The following CDH20 variants were observed in gnomAD, a reference collection of about 807,000 sequenced individuals.
CDH20 encodes cadherin-20.
CDH20 carries 29 observed loss-of-function variants against 74.2 expected under a neutral mutation model. That is an observed-to-expected ratio of 0.39 (90% CI 0.29 to 0.53). The LOEUF (loss-of-function observed/expected upper bound fraction) is 0.53, where lower values mean the gene tolerates loss of function less well. CDH20 is among the 20% of genes least tolerant of loss of function. CDH20 has a pLI of 0.69. For missense variants in CDH20, 988 were observed against 1,048.3 expected, an observed-to-expected ratio of 0.94 and a Z score of 0.79; for synonymous variants, 469 against 405.4, an observed-to-expected ratio of 1.16 and a Z score of -1.88.
At chr18:61,405,155 C>T in intron 1 of CDH20, 1 of 571,116 alleles carries the variant, frequency 1.8e-6, no homozygotes, top group Non-Finnish European at 3.3e-6. Flanking sequence ...CAAGTTAGAG[C>T]CTAGAATTGA....
intron 5 of CDH20, among the ~76,000 whole-genome samples, chr18:61,503,614 T>A (rs1870292533): frequency 6.6e-6 from 1 of 152,154 alleles, no homozygotes; most frequent in Non-Finnish European, 1.5e-5. Context: ...ATCACTCCAG[T>A]AGGTACCAAG....
chr18:61,416,056 T>A (rs1489291353), intron 1 of CDH20, among the ~76,000 whole-genome samples: 1 of 148,802 alleles, frequency 6.7e-6, no homozygotes, highest in Non-Finnish European at 1.5e-5. Flanking sequence ...AAAAAAAAAA[T>A]ATTAAGATCA....
intron 1 of CDH20, among the ~76,000 whole-genome samples, chr18:61,343,232 T>C (rs576510273): frequency 2.0e-5 from 3 of 152,358 alleles, no homozygotes; most frequent in African/African-American, 7.2e-5. Flanking sequence ...TCTGGGCTTC[T>C]AGCTGGATTT....
At chr18:61,511,353 T>C (rs1373643498) in intron 6 of CDH20, among the ~76,000 whole-genome samples, 1 of 151,972 alleles carries the variant, frequency 6.6e-6, no homozygotes, top group Non-Finnish European at 1.5e-5. Flanking sequence ...GTTGTTGTTT[T>C]GTTTTGTTTT....
chr18:61,511,474 G>A lies in CDH20; in HGVS notation c.1017+3914G>A, dbSNP rs149933139. On this transcript the variant is annotated intron_variant, in intron 6 of 11. Coordinates refer to ENST00000262717, the MANE Select transcript of CDH20 (RefSeq NM_031891.4). ...GCTAGGATTACAGGCATGAGCCACC[G>A]CAACCAGCTTTACTGTTTCTTTAGT... is the stretch of plus-strand genomic sequence containing the variant. 3.7e-3 allele frequency among the ~76,000 whole-genome samples: 566 copies of A among 152,118 alleles called. 6 individuals carry two copies. Among genetic ancestry groups the A allele is most frequent in the African/African-American group, 0.013 (546 of 41,512 alleles).
intron 1 of CDH20, among the ~76,000 whole-genome samples, chr18:61,410,827 G>A (rs559775245): frequency 1.3e-5 from 2 of 152,316 alleles, no homozygotes; most frequent in South Asian, 2.1e-4. Context: ...ATCTTTGAAA[G>A]GAGATGGCCT....
At chr18:61,497,190 G>A (rs1911201141) in intron 2 of CDH20, among the ~76,000 whole-genome samples, 1 of 151,158 alleles carries the variant, frequency 6.6e-6, no homozygotes, top group Non-Finnish European at 1.5e-5. Flanking sequence ...AAAATAAGTA[G>A]AAAAAAGCCC....
chr18:61,423,362 AGT>A (rs1183525556), intron 1 of CDH20, among the ~76,000 whole-genome samples: 3 of 151,894 alleles, frequency 2.0e-5, no homozygotes, highest in Non-Finnish European at 2.9e-5. Flanking sequence ...AGCTCCTCTA[AGT>A]GTGTCTGAGG....
chr18:61,463,306 A>C (rs1208786185), intron 1 of CDH20, among the ~76,000 whole-genome samples: 4 of 152,156 alleles, frequency 2.6e-5, no homozygotes, highest in Non-Finnish European at 5.9e-5. Context: ...AATGGCTGAT[A>C]GACTCTCAAC....
intron 1 of CDH20, among the ~76,000 whole-genome samples, chr18:61,371,913 A>G (rs1911056415): frequency 6.6e-6 from 1 of 152,122 alleles, no homozygotes; most frequent in Admixed American, 6.6e-5. Context: ...AAATGTACTA[A>G]CTTCGAAAAC....
At chr18:61,391,731 C>T (rs960043918) in intron 1 of CDH20, 1 of 151,506 alleles carries the variant, frequency 6.6e-6, no homozygotes, top group Non-Finnish European at 1.5e-5. Context: ...GTACATGTAT[C>T]CTGGAACTTA....
At chr18:61,372,164 A>T in intron 1 of CDH20, among the ~76,000 whole-genome samples, 1 of 152,088 alleles carries the variant, frequency 6.6e-6, no homozygotes, top group East Asian at 1.9e-4. Context: ...TTCAAATTTG[A>T]AATAATGGGT....
At chr18:61,358,035 A>G (rs1910553580) in intron 1 of CDH20, among the ~76,000 whole-genome samples, 1 of 151,954 alleles carries the variant, frequency 6.6e-6, no homozygotes, top group South Asian at 2.1e-4. Flanking sequence ...TTCCTACAGG[A>G]GGCCTTATCC....
intron 1 of CDH20, among the ~76,000 whole-genome samples, chr18:61,442,264 T>C (rs1315432749): frequency 1.3e-5 from 2 of 150,824 alleles, no homozygotes; most frequent in East Asian, 3.9e-4. Flanking sequence ...GGCAGGAGGA[T>C]CTCTTGAACC....
intron 1 of CDH20, among the ~76,000 whole-genome samples, chr18:61,362,236 T>A (rs1910716651): frequency 6.6e-6 from 1 of 152,208 alleles, no homozygotes; most frequent in Non-Finnish European, 1.5e-5. Context: ...TAGGGTTCAA[T>A]GTAGTGTTTA....
At chr18:61,503,152 C>T (rs762003583) in intron 5 of CDH20, 32 bp downstream of exon 5, 14 of 1,525,116 alleles carry the variant, frequency 9.2e-6, no homozygotes, top group African/African-American at 2.8e-5. Context: ...GCACAGACCT[C>T]GGGCCCAGAG....
chr18:61,540,495 A>G (rs781724660), intron 9 of CDH20, among the ~76,000 whole-genome samples: 11 of 152,316 alleles, frequency 7.2e-5, no homozygotes, highest in South Asian at 4.1e-4. Context: ...CTTACATGGC[A>G]GCAGGCAAGA....
chr18:61,534,176 C>A (rs1055834681), intron 7 of CDH20, among the ~76,000 whole-genome samples: 7 of 152,142 alleles, frequency 4.6e-5, no homozygotes, highest in Non-Finnish European at 8.8e-5. Context: ...CTAATTAAAA[C>A]CACAATGAGA....
intron 1 of CDH20, among the ~76,000 whole-genome samples, chr18:61,466,086 C>CTATATATATA (rs35791225): frequency 4.9e-5 from 7 of 142,294 alleles, no homozygotes; most frequent in African/African-American, 1.6e-4. Flanking sequence ...TCTCATTAAG[C>CTATATATATA]TATATATATA....
Sources: allele counts gnomAD v4.1 joint callset (sites outside exome capture counted in the v4.1 genomes callset), GRCh38; gene constraint gnomAD v4.1.1; transcripts MANE v1.5; gene names NCBI Gene and HGNC (gene_info 2026-07-23, HGNC 2026-07-21).